The following SYCP2 variants were observed in gnomAD, a reference collection of about 807,000 sequenced individuals.
SYCP2 encodes synaptonemal complex protein 2.
A neutral mutation model predicts 211.3 loss-of-function variants in SYCP2; 55 were observed. The ratio of observed to expected loss-of-function variants is 0.26; its 90% confidence interval spans 0.21 to 0.33. The LOEUF is 0.33. Among genes scored for constraint, SYCP2 ranks in the 10% least tolerant of loss-of-function variants. The probability of loss-of-function intolerance (pLI) is 1.00; values close to 1 mark genes in which losing one functional copy is unlikely to be tolerated. For synonymous variants in SYCP2, 570 were observed against 555.2 expected (o/e 1.03, Z -0.37); for missense variants, 1,731 against 1,752.0 (o/e 0.99, Z 0.21).
At position 59,930,019 on chromosome 20, in the gene SYCP2, C is replaced by T. The variant is rs867147481; in HGVS notation, c.-47+2043G>A. Among the ~76,000 whole-genome samples, 4 of 152,062 alleles carry T rather than the reference C, an allele frequency of 2.6e-5. No homozygotes were observed. The South Asian group carries it at 8.3e-4, about 31-fold the overall frequency. On this transcript the variant is annotated intron_variant, in intron 2 of 44. Transcript: ENST00000357552. ...CAGAGCAAAAGGGGCCCCTGCTATG[C>T]GCTCTATATAGTGTAATCTCTTTCT... is the stretch of plus-strand genomic sequence containing the variant.
chr20:59,889,852 G>A (rs140426138), intron 24 of SYCP2, among the ~76,000 whole-genome samples: 10 of 152,094 alleles, frequency 6.6e-5, no homozygotes, highest in Non-Finnish European at 1.5e-4. Flanking sequence ...TACCTTAGAA[G>A]ACAGTTATCA....
At chr20:59,893,099 C>G (rs2059938983) in intron 22 of SYCP2, 43 bp downstream of exon 22, 4 of 1,321,822 alleles carry the variant, frequency 3.0e-6, no homozygotes, top group African/African-American at 1.5e-5. Flanking sequence ...CTGAAAACAG[C>G]ATTAGTATAG....
intron 10 of SYCP2, 37 bp from the exon 11 acceptor site, chr20:59,914,288 T>G: frequency 1.1e-5 from 14 of 1,325,398 alleles, no homozygotes; most frequent in Non-Finnish European, 1.5e-5. Flanking sequence ...TTTACAATTA[T>G]GAAAATTAAG....
chr20:59,875,245 TAAAGAAAAAAC>T lies in SYCP2; in HGVS notation c.3349+15_3349+25del. On this transcript the variant is annotated intron_variant, in intron 34 of 44. Transcript: ENST00000357552. ...TATAGAAAACTATTGAATATTCAAG[TAAAGAAAAAAC>T]AAAGTTATACTGACATCTCGTTACT... The T allele has an allele frequency of 1.4e-6, 2 of 1,471,092 alleles. No homozygotes were observed. The highest frequency in any genetic ancestry group is 2.3e-5 in the East Asian group (1 of 43,058). 91.1% of individuals were successfully genotyped at this position (1,471,092 alleles called of 1,614,324 possible).
chr20:59,923,837 G>T (rs544233100), intron 2 of SYCP2, among the ~76,000 whole-genome samples: 1 of 151,872 alleles, frequency 6.6e-6, no homozygotes, highest in Non-Finnish European at 1.5e-5. Context: ...CAGAGAGAGA[G>T]AGAGAAACAG....
chr20:59,868,608 T>C (rs776039237), intron 37 of SYCP2, 40 bp from the exon 38 acceptor site: 12 of 1,534,294 alleles, frequency 7.8e-6, no homozygotes, highest in Non-Finnish European at 8.7e-6. Context: ...GCTGCAATTT[T>C]CATTAAAAAT....
At chr20:59,900,105 T>C (rs1257376501) in intron 18 of SYCP2, 33 bp downstream of exon 18, 2 of 1,606,606 alleles carry the variant, frequency 1.2e-6, no homozygotes, top group African/African-American at 2.7e-5. Flanking sequence ...TCAATGGTAG[T>C]TTTATAAGCC....
intron 1 of SYCP2, 38 bp from the exon 2 acceptor site, chr20:59,932,192 A>C (rs1477998237): frequency 6.6e-6 from 1 of 152,178 alleles, no homozygotes; most frequent in Non-Finnish European, 1.5e-5. Context: ...AAAAACAACA[A>C]CAAAGAAAAC....
Position 59,921,452 on chromosome 20 carries a change from T to G in SYCP2, c.26A>C (p.Gln9Pro). The G allele has an allele frequency of 6.3e-7, 1 of 1,597,802 alleles. No individual in the cohort carries two copies. The highest frequency in any genetic ancestry group is 8.5e-7 in the Non-Finnish European group (1 of 1,170,926). The change falls in exon 4 of 45, where the codon CAG (glutamine) becomes CCG (proline). Residue 9 changes from glutamine to proline, a missense_variant and splice_region_variant. By Grantham distance (76) the Gln-to-Pro change is moderately conservative. Coordinates refer to ENST00000357552, the MANE Select transcript of SYCP2 (RefSeq NM_014258.4). MPIRPDLQ[Q>P]LEKCIDDALR... ...AGCATCATCAATGCATTTTTCCAAC[T>G]GCTAGAGAAATATATTTAATGGCAC...
chr20:59,892,234 T>C lies in SYCP2; in HGVS notation c.2120A>G (p.Asn707Ser), dbSNP rs145012641. The change falls in exon 24 of 45, where the codon AAT (asparagine) becomes AGT (serine). Residue 707 changes from asparagine to serine, a missense_variant. By Grantham distance (46) the Asn-to-Ser change is conservative. Around this residue, in one of 3 missense-constraint regions of SYCP2, gnomAD observed 1,387 missense variants for 1,351.3 expected, o/e 1.03. Transcript: ENST00000357552. ...ATCACTCTGCTTGGCATTTTCAGTATTTTTCTGCCCTGAATATTTAGGATG... is the reference window on the plus strand; with the variant it reads ...ATCACTCTGCTTGGCATTTTCAGTACTTTTCTGCCCTGAATATTTAGGATG... ...QNHPKYSGQK[N>S]TENAKQSDWP... The C allele has an allele frequency of 1.5e-4, 247 of 1,612,894 alleles. No homozygotes were observed. Among genetic ancestry groups the C allele is most frequent in the Non-Finnish European group, 2.0e-4 (241 of 1,179,256 alleles).
chr20:59,928,974 G>C (rs116908781), intron 2 of SYCP2, among the ~76,000 whole-genome samples: 2,236 of 152,134 alleles, frequency 0.015, 41 homozygotes, highest in Non-Finnish European at 0.024. Context: ...GTTTGTAAAA[G>C]AGAGGCAGCA....
At chr20:59,896,967 T>C (rs1164419607) in intron 18 of SYCP2, among the ~76,000 whole-genome samples, 2 of 152,186 alleles carry the variant, frequency 1.3e-5, no homozygotes, top group Non-Finnish European at 2.9e-5. Context: ...TTTTTGAAAA[T>C]TGTACTAATA....
chr20:59,929,701 T>C (rs1601011600), intron 2 of SYCP2, among the ~76,000 whole-genome samples: 3 of 152,204 alleles, frequency 2.0e-5, no homozygotes, highest in Admixed American at 1.3e-4. Context: ...TGCACTGTTA[T>C]TGATATGTGT....
intron 24 of SYCP2, among the ~76,000 whole-genome samples, chr20:59,888,912 A>G (rs987127911): frequency 1.3e-5 from 2 of 152,040 alleles, no homozygotes; most frequent in Admixed American, 6.6e-5. Context: ...AAATACTTAG[A>G]TGTATATCTA....
rs1794478800 is a variant in SYCP2, at chr20:59,891,994, T to C, written c.2360A>G (p.Lys787Arg). ...ELNSWDSKQK[K>R]MREKSKGKEF... is the part of the protein sequence containing the mutation. Reference sequence around the variant, plus strand: ...CAAAACACATTGAAAGCTCACCATTTTTTTTTGTTTCGAATCCCAGGAATT... The same window carrying C: ...CAAAACACATTGAAAGCTCACCATTCTTTTTTGTTTCGAATCCCAGGAATT... The change falls in exon 24 of 45, where the codon AAA (lysine) becomes AGA (arginine). Residue 787 changes from lysine (K) to arginine (R), a missense_variant. Physicochemically the swap from Lys to Arg is conservative, Grantham distance 26. Around this residue, in one of 3 missense-constraint regions of SYCP2, gnomAD observed 1,387 missense variants for 1,351.3 expected, o/e 1.03. Transcript: ENST00000357552. The C allele has an allele frequency of 2.5e-6, 4 of 1,579,382 alleles. No homozygotes were observed. The highest frequency in any genetic ancestry group is 2.6e-6 in the Non-Finnish European group (3 of 1,167,336).
intron 14 of SYCP2, among the ~76,000 whole-genome samples, chr20:59,907,857 G>A (rs936754836): frequency 2.6e-5 from 4 of 152,076 alleles, no homozygotes; most frequent in East Asian, 1.9e-4. Context: ...ATATGAATGC[G>A]CATGAATAAT....
rs748086652 is a variant in SYCP2, at chr20:59,865,600, A to G, written c.4431T>C (p.Asp1477=). The G allele has an allele frequency of 1.2e-6, 2 of 1,604,874 alleles. No individual in the cohort carries two copies. Among genetic ancestry groups the G allele is most frequent in the Non-Finnish European group, 1.7e-6 (2 of 1,176,472 alleles). ...SLAKSVFCNT[D]SEETVFTSEM... Reference sequence around the variant, plus strand: ...CGGATGTAAAAACAGTTTCTTCACTATCAGTATTACAGAAGACACTTTTAG... The same window carrying G: ...CGGATGTAAAAACAGTTTCTTCACTGTCAGTATTACAGAAGACACTTTTAG... The change falls in exon 43 of 45, where the codon GAT becomes GAC. Residue 1477 remains aspartate (D), a synonymous_variant. Transcript: ENST00000357552.
Position 59,915,272 on chromosome 20 carries a change from A to G in SYCP2, c.600-73T>C, listed in dbSNP as rs377562214. The G allele has an allele frequency of 8.1e-5, 101 of 1,242,020 alleles. No individual in the cohort carries two copies. In the African/African-American group the frequency reaches 1.2e-3, roughly 15 times the overall value. The allele number at this position is 1,242,020 out of a possible 1,614,324, so 76.9% of individuals were successfully genotyped here. On this transcript the variant is annotated intron_variant, in intron 9 of 44. Transcript: ENST00000357552. ...TAGGAAGTCCACATGTTTAGGAGGA[A>G]AAGAAACTTCACAAAAATTTACAAT... is the stretch of plus-strand genomic sequence containing the variant.
chr20:59,864,427 A>G, intron 44 of SYCP2, 39 bp from the exon 45 acceptor site: 1 of 1,394,062 alleles, frequency 7.2e-7, no homozygotes, highest in South Asian at 1.3e-5. Context: ...TAGATTTCAC[A>G]TTTTCGCTGT....
Sources: gnomAD v4.1 joint callset for allele counts (sites outside exome capture counted in the v4.1 genomes callset) on GRCh38, gnomAD v4.1.1 for gene constraint, gnomAD v4.1.1 regional missense constraint, MANE v1.5 for transcripts, NCBI Gene and HGNC (gene_info 2026-07-23, HGNC 2026-07-21) for gene names.